ABCG1: variants seen among roughly 807,000 people sequenced by gnomAD.
The protein encoded by ABCG1 is ATP binding cassette subfamily G member 1.
ABCG1 carries 29 observed loss-of-function variants against 69.2 expected under a neutral mutation model. The observed-to-expected ratio is 0.42, with a 90% CI of 0.31 to 0.57. The LOEUF (loss-of-function observed/expected upper bound fraction) is 0.57, where lower values mean the gene tolerates loss of function less well. Ranked by LOEUF, ABCG1 falls within the 20% of genes least tolerant of loss-of-function variation. The pLI is 0.15. For synonymous variants in ABCG1, 370 were observed against 374.8 expected (o/e 0.99, Z 0.15); for missense variants, 718 against 898.1 (o/e 0.80, Z 2.56).
At chr21:42,266,528 G>C (rs1004444681) in intron 2 of ABCG1, among the ~76,000 whole-genome samples, 1 of 152,060 alleles carries the variant, frequency 6.6e-6, no homozygotes. Flanking sequence ...GGTTGTCTTT[G>C]GAATATCCCA....
At position 42,297,210 on chromosome 21, in the gene ABCG1, AT is replaced by A. The variant is rs2146367218; in HGVS notation, c.*822del. The A allele has an allele frequency of 1.3e-5, 2 of 152,322 alleles. No homozygotes were observed. Among genetic ancestry groups the A allele is most frequent in the East Asian group, 3.9e-4 (2 of 5,190 alleles). The allele number at this position is 152,322 out of a possible 1,614,324, so 9.4% of individuals were successfully genotyped here. On this transcript the variant is annotated 3_prime_UTR_variant, in exon 15 of 15. Transcript: ENST00000398449. ...GTCTTTCTTTTTCCACGTGCTTCTTATTTTAAGCGAAATATATTGTTTGTTT... is the reference window on the plus strand; with the variant it reads ...GTCTTTCTTTTTCCACGTGCTTCTTATTTAAGCGAAATATATTGTTTGTTT...
chr21:42,218,337 T>C (rs577752032), upstream of ABCG1, among the ~76,000 whole-genome samples: 1 of 152,294 alleles, frequency 6.6e-6, no homozygotes, highest in Admixed American at 6.5e-5. Context: ...CACTTATATA[T>C]AATAAGGGCT....
rs2069217925 is a variant in ABCG1, at chr21:42,296,654, A to C, written c.*262A>C. The C allele has an allele frequency of 8.6e-6, 4 of 463,996 alleles. No homozygotes were observed. The highest frequency in any genetic ancestry group is 4.0e-5 in the East Asian group (1 of 25,164). 28.7% of individuals were successfully genotyped at this position (463,996 alleles called of 1,614,324 possible). ...TTTTTTTTTAACATACAGAATTTTA[A>C]ATACCACAACTGGGGCAGAATTTAA... On this transcript the variant is annotated 3_prime_UTR_variant, in exon 15 of 15. Transcript: ENST00000398449. The surrounding 1 kb of genome is among the most constrained non-coding windows in gnomAD (Gnocchi z 5.4).
At chr21:42,264,135 C>T (rs1239629803) in intron 2 of ABCG1, among the ~76,000 whole-genome samples, 1 of 152,132 alleles carries the variant, frequency 6.6e-6, no homozygotes, top group Non-Finnish European at 1.5e-5. Context: ...TCTGGGGTGC[C>T]TGGTTTGGGG....
intron 2 of ABCG1, among the ~76,000 whole-genome samples, chr21:42,248,203 C>T (rs1038865552): frequency 5.9e-5 from 9 of 152,180 alleles, no homozygotes; most frequent in African/African-American, 1.7e-4. Flanking sequence ...TGATCTCCGT[C>T]GTCATCTGAT....
rs753315195 is a variant in ABCG1 at position 42,287,930 on chromosome 21, C to G, written c.1015C>G (p.Arg339Gly). Residue 339 changes from arginine to glycine, a missense_variant, in exon 9 of 15, where the codon CGG (arginine) becomes GGG (glycine). By Grantham distance (125) the Arg-to-Gly change is moderately radical. Around this residue, in one of 2 missense-constraint regions of ABCG1, gnomAD observed 514 missense variants for 574.3 expected, o/e 0.90. Transcript: ENST00000398449. The surrounding 1 kb of genome is among the most constrained non-coding windows in gnomAD (Gnocchi z 6.2). ...CGGCGAGTACGGTGATCAGAACAGT[C>G]GGCTGGTGAGAGCGGTTCGGGAGGG... ...ASGEYGDQNS[R>G]LVRAVREGMC... 6.2e-7 allele frequency: 1 copy of G among 1,611,568 alleles called. No homozygotes were observed.
chr21:42,232,944 T>G (rs112240928), intron 2 of ABCG1, among the ~76,000 whole-genome samples: 4 of 152,244 alleles, frequency 2.6e-5, no homozygotes, highest in African/African-American at 9.6e-5. Context: ...AAATATATCC[T>G]GAAGGACTAA....
At chr21:42,210,572 G>A (rs114168078) in intron 2 of ABCG1, among the ~76,000 whole-genome samples, 3,681 of 152,268 alleles carry the variant, frequency 0.024, 145 homozygotes, top group African/African-American at 0.083. Context: ...CCATGCTAAT[G>A]GAAGAAAACA....
chr21:42,215,938 C>A (rs2067634841), upstream of ABCG1: 1 of 269,018 alleles, frequency 3.7e-6, no homozygotes, highest in African/African-American at 2.3e-5. Context: ...TGTGTCCCCA[C>A]CCAAATCTCA....
chr21:42,222,254 A>G (rs1297123298), intron 1 of ABCG1, among the ~76,000 whole-genome samples: 1 of 152,230 alleles, frequency 6.6e-6, no homozygotes, highest in Non-Finnish European at 1.5e-5. Context: ...GGCAGCTCTC[A>G]TCGGAGGATG....
At chr21:42,229,998 T>C (rs2067877769) in intron 2 of ABCG1, among the ~76,000 whole-genome samples, 1 of 152,224 alleles carries the variant, frequency 6.6e-6, no homozygotes, top group Admixed American at 6.5e-5. Flanking sequence ...AAGCTGAGCA[T>C]TGTGACCAGA....
At chr21:42,269,766 G>A (rs905852223) in intron 2 of ABCG1, among the ~76,000 whole-genome samples, 4 of 152,284 alleles carry the variant, frequency 2.6e-5, no homozygotes, top group East Asian at 3.9e-4. Context: ...AGACAGCTGG[G>A]AGCAAACTCC....
chr21:42,288,352 G>A lies in ABCG1; in HGVS notation c.1224+40G>A, dbSNP rs371684339. ...ATCTTCTCCTGTAGCTGGGGAACCC[G>A]TGGGTCATTTTCTCAGACTCGTCCT... On this transcript the variant is annotated intron_variant, in intron 10 of 14. Coordinates refer to ENST00000398449, the MANE Select transcript of ABCG1 (RefSeq NM_016818.3). The surrounding 1 kb of genome is among the most constrained non-coding windows in gnomAD (Gnocchi z 4.8). 627 of 1,494,498 alleles carry A rather than the reference G, an allele frequency of 4.2e-4. No homozygotes were observed. The highest frequency in any genetic ancestry group is 5.3e-4 in the Non-Finnish European group (570 of 1,073,662). 92.6% of individuals were successfully genotyped at this position (1,494,498 alleles called of 1,614,324 possible).
At chr21:42,260,925 G>A (rs182825170) in intron 2 of ABCG1, among the ~76,000 whole-genome samples, 36 of 152,096 alleles carry the variant, frequency 2.4e-4, no homozygotes, top group African/African-American at 8.4e-4. Flanking sequence ...TCGTTCAAGC[G>A]ATTCTCCTGC....
In ABCG1 at chr21:42,273,470, T is replaced by G; in HGVS notation, c.537+35T>G. 12 of 1,545,194 alleles carry G rather than the reference T, an allele frequency of 7.8e-6. No individual in the cohort carries two copies. Among genetic ancestry groups the G allele is most frequent in the Non-Finnish European group, 1.1e-5 (12 of 1,135,466 alleles). On this transcript the variant is annotated intron_variant, in intron 4 of 14. Transcript: ENST00000398449. This position sits in a 1 kb window ranked among gnomAD's most constrained non-coding sequence, Gnocchi z 5.3. ...GCCCTGCCCCGCCCCACTCCGCCCCTGCCGCCTGTCCCCAGCGCCCACATT... is the reference window on the plus strand; with the variant it reads ...GCCCTGCCCCGCCCCACTCCGCCCCGGCCGCCTGTCCCCAGCGCCCACATT...
At chr21:42,221,535 G>A (rs1309998196) in intron 1 of ABCG1, among the ~76,000 whole-genome samples, 2 of 152,196 alleles carry the variant, frequency 1.3e-5, no homozygotes, top group African/African-American at 4.8e-5. Context: ...CAGTGGGAGG[G>A]TGGTATTTGG....
chr21:42,246,971 C>T (rs369365577), intron 2 of ABCG1, among the ~76,000 whole-genome samples: 226 of 152,114 alleles, frequency 1.5e-3, no homozygotes, highest in African/African-American at 5.1e-3. Flanking sequence ...AGAATTTGAC[C>T]GTGATTTTAA....
At chr21:42,200,263 G>A (rs779099356) in intron 1 of ABCG1, among the ~76,000 whole-genome samples, 4 of 152,202 alleles carry the variant, frequency 2.6e-5, no homozygotes, top group Admixed American at 1.3e-4. Flanking sequence ...GGGTGAGGCC[G>A]GCTTGGTGGC....
intron 1 of ABCG1, chr21:42,221,393 C>T (rs2067724019): frequency 6.6e-6 from 1 of 152,232 alleles, no homozygotes; most frequent in South Asian, 2.1e-4. Context: ...CACCTCCCTG[C>T]CCTGGGGTCC....
Sources: allele counts gnomAD v4.1 joint callset (sites outside exome capture counted in the v4.1 genomes callset), GRCh38; gene constraint gnomAD v4.1.1; regional missense constraint gnomAD v4.1.1; non-coding constraint Gnocchi (gnomAD v3.1); transcripts MANE v1.5; gene names NCBI Gene and HGNC (gene_info 2026-07-23, HGNC 2026-07-21).